The following ADAM18 variants were observed in gnomAD, a reference collection of about 807,000 sequenced individuals.
The protein encoded by ADAM18 is ADAM metallopeptidase domain 18, also known as disintegrin and metalloproteinase domain-containing protein 18.
Under a neutral mutation model 94.4 loss-of-function variants are expected in ADAM18, and 117 were observed. That is an observed-to-expected ratio of 1.24 (90% CI 1.07 to 1.45). ADAM18 has a LOEUF of 1.45. Among genes scored for constraint, ADAM18 ranks in the 40% most tolerant of loss-of-function variants. The pLI is 0.00. For missense variants in ADAM18, 936 were observed against 880.0 expected (o/e 1.06, Z -0.81); for synonymous variants, 327 against 291.6 (o/e 1.12, Z -1.24).
chr8:39,637,912 G>A (rs928120961), intron 9 of ADAM18, among the ~76,000 whole-genome samples: 6 of 152,028 alleles, frequency 3.9e-5, no homozygotes, highest in Non-Finnish European at 7.4e-5. Flanking sequence ...TGGAGTGTAA[G>A]TATTATTTCA....
At chr8:39,629,628 A>T (rs1201846692) in intron 7 of ADAM18, among the ~76,000 whole-genome samples, 189 bp downstream of exon 7, 3 of 115,612 alleles carry the variant, frequency 2.6e-5, no homozygotes, top group Non-Finnish European at 1.8e-5. Context: ...TCCTTCCTCT[A>T]CCCCTCCTTC....
chr8:39,622,698 C>T (rs1819649050), intron 6 of ADAM18, among the ~76,000 whole-genome samples: 1 of 151,914 alleles, frequency 6.6e-6, no homozygotes, highest in Non-Finnish European at 1.5e-5. Flanking sequence ...TTATTTAATG[C>T]TATTTACATC....
intron 17 of ADAM18, among the ~76,000 whole-genome samples, chr8:39,702,513 T>C (rs1210321643): frequency 6.6e-6 from 1 of 152,216 alleles, no homozygotes; most frequent in Non-Finnish European, 1.5e-5. Flanking sequence ...CAATTTTTGC[T>C]TTTGTTTCAA....
chr8:39,724,231 C>T (rs1822839009), intron 19 of ADAM18, among the ~76,000 whole-genome samples: 1 of 151,612 alleles, frequency 6.6e-6, no homozygotes, highest in African/African-American at 2.4e-5. Flanking sequence ...TTTTACTTAC[C>T]ATTTTAATAT....
chr8:39,645,355 T>C lies in ADAM18; in HGVS notation c.927T>C (p.Gly309=). The C allele has an allele frequency of 6.2e-7, 1 of 1,611,446 alleles. No homozygotes were observed. The highest frequency in any genetic ancestry group is 8.5e-7 in the Non-Finnish European group (1 of 1,178,686). Residue 309 remains glycine (G), a synonymous_variant, in exon 11 of 20, where the codon GGT becomes GGC. Transcript: ENST00000265707. ...AGIAMYPDAI[G]LEGFSVIIAQ... ...TATTTTAGTATCCAGATGCAATAGG[T>C]TTGGAGGGATTTTCGGTTATTATAG...
intron 19 of ADAM18, among the ~76,000 whole-genome samples, chr8:39,726,755 C>T (rs1042982183): frequency 2.6e-5 from 4 of 152,124 alleles, no homozygotes; most frequent in African/African-American, 9.7e-5. Context: ...AGTTTGGTTA[C>T]ATGGCACCTT....
At chr8:39,666,483 T>G (rs966913223) in intron 13 of ADAM18, among the ~76,000 whole-genome samples, 27 of 152,224 alleles carry the variant, frequency 1.8e-4, no homozygotes, top group African/African-American at 6.0e-4. Flanking sequence ...TTATTATGCA[T>G]CTTTGTTTCA....
At position 39,648,476 on chromosome 8, in the gene ADAM18, T is replaced by C; in HGVS notation, c.1179T>C (p.Cys393=). ...LQPLHQNQPV[C]GNGILESNEE... is the part of the protein sequence containing the mutation. ...CATTACATCAAAATCAACCAGTGTG[T>C]GGTAATGGGATTTTGGAATCCAATG... is the stretch of plus-strand genomic sequence containing the variant. Residue 393 remains cysteine, a synonymous_variant, in exon 12 of 20, where the codon TGT becomes TGC. Transcript: ENST00000265707. 2 of 1,612,742 alleles carry C rather than the reference T, an allele frequency of 1.2e-6. No individual in the cohort carries two copies. Among genetic ancestry groups the C allele is most frequent in the Non-Finnish European group, 1.7e-6 (2 of 1,179,396 alleles).
rs76826901 is a variant in ADAM18, at chr8:39,715,955, C to T, written c.2018-7793C>T. On this transcript the variant is annotated intron_variant, in intron 18 of 19. Transcript: ENST00000265707. The stretch of plus-strand genomic sequence containing the variant: ...CTAACTCATTCGATAATGCCAGCAT[C>T]GCCCCCAGTAGCAAAACCAGAAGAC... Among the ~76,000 whole-genome samples, 1,423 of 152,048 alleles carry T rather than the reference C, an allele frequency of 9.4e-3. 17 individuals carry two copies. Among genetic ancestry groups the T allele is most frequent in the African/African-American group, 0.033 (1,351 of 41,518 alleles).
intron 6 of ADAM18, among the ~76,000 whole-genome samples, chr8:39,621,747 T>C (rs1819621832): frequency 1.3e-5 from 2 of 152,160 alleles, no homozygotes; most frequent in Non-Finnish European, 1.5e-5. Flanking sequence ...TATGCAGCCA[T>C]ACAAAAGAAT....
At chr8:39,626,068 A>G (rs1002812152) in intron 6 of ADAM18, among the ~76,000 whole-genome samples, 2 of 151,780 alleles carry the variant, frequency 1.3e-5, no homozygotes, top group Non-Finnish European at 2.9e-5. Context: ...GCAGTTTTTT[A>G]AAATTAGTGA....
intron 15 of ADAM18, among the ~76,000 whole-genome samples, chr8:39,678,337 G>T (rs1335553025): frequency 4.6e-5 from 7 of 152,178 alleles, no homozygotes; most frequent in Non-Finnish European, 1.0e-4. Flanking sequence ...GATGAAGAAG[G>T]TATCCAGTTG....
At chr8:39,643,077 C>G (rs575066436) in intron 10 of ADAM18, among the ~76,000 whole-genome samples, 1 of 152,088 alleles carries the variant, frequency 6.6e-6, no homozygotes, top group Admixed American at 6.6e-5. Flanking sequence ...TGACTTGGCT[C>G]TTGGCTTGAT....
intron 12 of ADAM18, among the ~76,000 whole-genome samples, chr8:39,649,439 G>A (rs1320316681): frequency 6.6e-6 from 1 of 151,760 alleles, no homozygotes; most frequent in Non-Finnish European, 1.5e-5. Flanking sequence ...TTAGTTTTCT[G>A]ATAAGCTGTA....
intron 2 of ADAM18, among the ~76,000 whole-genome samples, chr8:39,593,860 G>A (rs998112108): frequency 2.6e-5 from 4 of 152,016 alleles, no homozygotes; most frequent in Admixed American, 1.3e-4. Context: ...TACATGATAA[G>A]TTTTCTTCAA....
At chr8:39,609,665 C>A in intron 5 of ADAM18, 104 bp downstream of exon 5, 1 of 749,476 alleles carries the variant, frequency 1.3e-6, no homozygotes, top group Non-Finnish European at 2.1e-6. Context: ...TAAGGGAAAT[C>A]AAAATGGAAA....
intron 9 of ADAM18, among the ~76,000 whole-genome samples, chr8:39,637,945 C>T (rs1422886597): frequency 6.6e-6 from 1 of 151,898 alleles, no homozygotes; most frequent in Non-Finnish European, 1.5e-5. Flanking sequence ...TCATGAACTT[C>T]TGTAATGTTG....
chr8:39,706,937 G>A, intron 18 of ADAM18, 33 bp downstream of exon 18: 1 of 1,269,324 alleles, frequency 7.9e-7, no homozygotes, highest in Non-Finnish European at 1.1e-6. Context: ...AAGCAAAATA[G>A]AAGGTTGTTT....
At chr8:39,710,957 C>A (rs1191015021) in intron 18 of ADAM18, among the ~76,000 whole-genome samples, 1 of 152,166 alleles carries the variant, frequency 6.6e-6, no homozygotes, top group African/African-American at 2.4e-5. Flanking sequence ...GAGGCTAATT[C>A]CTAGGCTCAG....
Sources: allele counts gnomAD v4.1 joint callset (sites outside exome capture counted in the v4.1 genomes callset), GRCh38; gene constraint gnomAD v4.1.1; transcripts MANE v1.5; gene names NCBI Gene and HGNC (gene_info 2026-07-23, HGNC 2026-07-21).